Variants in DNAH3 observed in about 807,000 individuals in gnomAD.
The protein encoded by DNAH3 is axonemal beta dynein heavy chain 3.
In DNAH3, 332 loss-of-function variants were observed where a neutral mutation model predicts 432.5. The ratio of observed to expected loss-of-function variants is 0.77; its 90% CI spans 0.70 to 0.84. DNAH3 has a LOEUF of 0.84. DNAH3 is among the 40% of genes least tolerant of loss of function. The pLI is 0.00. For synonymous variants in DNAH3, 1,956 were observed against 1,900.2 expected (o/e 1.03, Z -0.76); for missense variants, 4,861 against 5,114.0 (o/e 0.95, Z 1.51).
In DNAH3 at chr16:21,122,140, G is replaced by A; in HGVS notation, c.1405-16C>T. The A allele has an allele frequency of 6.3e-7, 1 of 1,592,788 alleles. No individual in the cohort carries two copies. The highest frequency in any genetic ancestry group is 8.5e-7 in the Non-Finnish European group (1 of 1,170,936). ...CATTCCCATCCTTCAGGAGACATAA[G>A]GTAGGGCAAGCGTTACAAAATTGGG... On this transcript the variant is annotated splice_polypyrimidine_tract_variant and intron_variant, in intron 9 of 61. Transcript: ENST00000261383.
intron 59 of DNAH3, among the ~76,000 whole-genome samples, chr16:20,938,394 T>TAAA (rs5816142): frequency 1.4e-5 from 2 of 143,310 alleles, no homozygotes; most frequent in Non-Finnish European, 3.0e-5. Flanking sequence ...CTGTCTCAAT[T>TAAA]AAAAAAAAAA....
rs562180270 is a variant in DNAH3 at position 21,003,048 on chromosome 16, G to C, written c.6126+56C>G. 2.6e-6 allele frequency: 3 copies of C among 1,143,824 alleles called. No homozygotes were observed. In the South Asian group the frequency reaches 3.8e-5, roughly 15 times the overall value. 70.9% of individuals were successfully genotyped at this position (1,143,824 alleles called of 1,614,324 possible). On this transcript the variant is annotated intron_variant, in intron 42 of 61. Transcript: ENST00000261383. ...AGACTGTTAATTCTTCCACCTGAGAGAATATTTGGATGATTCTGGAAACCA... is the reference window on the plus strand; with the variant it reads ...AGACTGTTAATTCTTCCACCTGAGACAATATTTGGATGATTCTGGAAACCA...
intron 37 of DNAH3, among the ~76,000 whole-genome samples, chr16:21,028,873 A>G (rs540100211): frequency 9.8e-4 from 149 of 152,314 alleles, no homozygotes; most frequent in African/African-American, 3.5e-3. Context: ...CGACTGATTC[A>G]TTCTGCTCAT....
exon 58 of DNAH3, chr16:20,944,583 G>C (rs775199746): frequency 1.9e-6 from 3 of 1,614,138 alleles, no homozygotes; most frequent in Non-Finnish European, 2.5e-6. Context: ...GGTTGTCTTT[G>C]GTGATGTCTG....
At chr16:20,981,223 G>A (rs948500114) in intron 49 of DNAH3, among the ~76,000 whole-genome samples, 2 of 152,130 alleles carry the variant, frequency 1.3e-5, no homozygotes, top group Non-Finnish European at 2.9e-5. Context: ...CATAACTGGA[G>A]GAAATGCAAA....
In DNAH3 at chr16:20,955,064, G is replaced by T; in HGVS notation, c.10827-7C>A. On this transcript the variant is annotated splice_polypyrimidine_tract_variant and splice_region_variant and intron_variant, in intron 54 of 61. Transcript: ENST00000261383. ...ATAGCTGGTTAGCCAGAGTCTGGAA[G>T]AACAATGGACCCAACGTTTTAGAGC... The T allele has an allele frequency of 6.2e-7, 1 of 1,600,086 alleles. No homozygotes were observed. Among genetic ancestry groups the T allele is most frequent in the South Asian group, 1.1e-5 (1 of 90,276 alleles).
intron 50 of DNAH3, among the ~76,000 whole-genome samples, chr16:20,977,710 CTTCT>C: frequency 6.6e-6 from 1 of 152,326 alleles, no homozygotes; most frequent in South Asian, 2.1e-4. Context: ...TGTGTCCTGG[CTTCT>C]TTGTGTATCA....
chr16:21,106,177 T>TAAAAAA (rs767198150), intron 15 of DNAH3, among the ~76,000 whole-genome samples: 2 of 97,548 alleles, frequency 2.1e-5, no homozygotes, highest in African/African-American at 4.0e-5. Flanking sequence ...AGACTCCATC[T>TAAAAAA]AAAAAAAAAA....
At chr16:20,963,360 G>A (rs1326700838) in exon 53 of DNAH3, 3 of 1,614,150 alleles carry the variant, frequency 1.9e-6, no homozygotes, top group East Asian at 2.2e-5. Context: ...AGGATCCCTG[G>A]AGATCGAACG....
intron 49 of DNAH3, among the ~76,000 whole-genome samples, chr16:20,982,280 G>A (rs1329681845): frequency 6.6e-6 from 1 of 152,060 alleles, no homozygotes; most frequent in African/African-American, 2.4e-5. Flanking sequence ...GCTGCTTGGG[G>A]GAGGCTGAGG....
intron 59 of DNAH3, among the ~76,000 whole-genome samples, chr16:20,940,245 A>C (rs2083754180): frequency 6.6e-6 from 1 of 151,890 alleles, no homozygotes; most frequent in Admixed American, 6.6e-5. Context: ...TATTTTCTTT[A>C]AGAGATGGGG....
intron 40 of DNAH3, among the ~76,000 whole-genome samples, chr16:21,021,711 A>G (rs1359852997): frequency 6.6e-6 from 1 of 152,080 alleles, no homozygotes; most frequent in African/African-American, 2.4e-5. Flanking sequence ...GGAGTTCAAC[A>G]CCAGCCTGGT....
At chr16:21,152,035 G>C (rs1042269397) in intron 1 of DNAH3, among the ~76,000 whole-genome samples, 5 of 152,070 alleles carry the variant, frequency 3.3e-5, no homozygotes, top group Non-Finnish European at 7.4e-5. Context: ...AGGAGTTTGA[G>C]ACCAGCTTGG....
intron 16 of DNAH3, among the ~76,000 whole-genome samples, chr16:21,101,657 A>C (rs972026655): frequency 6.6e-6 from 1 of 152,190 alleles, no homozygotes. Flanking sequence ...GCACCCAGAG[A>C]CTAGCATCAG....
exon 42 of DNAH3, chr16:21,003,142 T>G: frequency 6.2e-7 from 1 of 1,613,300 alleles, no homozygotes; most frequent in Non-Finnish European, 8.5e-7. Flanking sequence ...TCTTTGGTGA[T>G]ATACTGTGTC....
At chr16:20,957,241 C>A (rs2084603463) in intron 54 of DNAH3, among the ~76,000 whole-genome samples, 1 of 152,142 alleles carries the variant, frequency 6.6e-6, no homozygotes, top group South Asian at 2.1e-4. Context: ...CCAAATAGTA[C>A]ATATTTTAGA....
intron 3 of DNAH3, 132 bp from the exon 5 acceptor site, chr16:21,141,504 CAGG>C (rs2092718963): frequency 4.7e-6 from 3 of 635,316 alleles, no homozygotes; most frequent in Non-Finnish European, 5.4e-6. Flanking sequence ...TGTGACGTGG[CAGG>C]AGATGTGGGC....
chr16:20,985,016 G>A (rs908212449), intron 48 of DNAH3, 33 bp downstream of exon 48: 4 of 1,545,784 alleles, frequency 2.6e-6, no homozygotes, highest in African/African-American at 2.7e-5. Flanking sequence ...ACACCCAGAA[G>A]AACAAGGGCA....
At chr16:21,155,914 C>T (rs2092894628) in intron 1 of DNAH3, among the ~76,000 whole-genome samples, 1 of 152,100 alleles carries the variant, frequency 6.6e-6, no homozygotes, top group African/African-American at 2.4e-5. Context: ...TTCCTGAGGC[C>T]TAAAATAGTT....
Sources: gnomAD v4.1 joint callset for allele counts (sites outside exome capture counted in the v4.1 genomes callset) on GRCh38, gnomAD v4.1.1 for gene constraint, MANE v1.5 for transcripts, NCBI Gene and HGNC (gene_info 2026-07-23, HGNC 2026-07-21) for gene names.